The following SOX5 variants were observed in gnomAD, a reference collection of about 807,000 sequenced individuals.
SOX5 encodes transcription factor SOX-5.
A neutral mutation model predicts 92.0 loss-of-function variants in SOX5; 9 were observed. The observed-to-expected ratio is 0.10, with a 90% CI of 0.06 to 0.17. The LOEUF (loss-of-function observed/expected upper bound fraction) is 0.17. Among genes scored for constraint, SOX5 ranks in the 10% least tolerant of loss-of-function variants. SOX5 has a pLI of 1.00. For synonymous variants in SOX5, 344 were observed against 336.3 expected (o/e 1.02, Z -0.25); for missense variants, 642 against 944.5 (o/e 0.68, Z 4.20).
Position 24,094,003 on chromosome 12 carries a change from A to G in SOX5, c.-2+119340T>C, listed in dbSNP as rs969770561. 1.1e-4 allele frequency among the ~76,000 whole-genome samples: 16 copies of G among 152,168 alleles called. No homozygotes were observed. The East Asian group carries it at 2.7e-3, about 26-fold the overall frequency. On this transcript the variant is annotated intron_variant, in intron 4 of 4. Transcript: ENST00000446891. ...CTCTTGTTGCCCAGGCTGGAGCGCA[A>G]TGGTGTGATCTCGGCTCACTGCAAC...
chr12:23,912,724 A>G (rs2097365039), intron 1 of SOX5, among the ~76,000 whole-genome samples: 1 of 152,248 alleles, frequency 6.6e-6, no homozygotes, highest in African/African-American at 2.4e-5. Context: ...GCCAAGTGAA[A>G]GAAGCCATTC....
intron 4 of SOX5, among the ~76,000 whole-genome samples, chr12:24,195,503 A>T (rs1046755253): frequency 6.6e-6 from 1 of 152,228 alleles, no homozygotes; most frequent in Non-Finnish European, 1.5e-5. Context: ...TTTATCATAC[A>T]TATTTCCGTT....
At chr12:23,803,533 T>G (rs938254766) in intron 3 of SOX5, among the ~76,000 whole-genome samples, 1 of 152,230 alleles carries the variant, frequency 6.6e-6, no homozygotes, top group African/African-American at 2.4e-5. Context: ...AGCCTACTAA[T>G]GAATTGCCCT....
upstream of SOX5, among the ~76,000 whole-genome samples, chr12:23,954,979 GATAC>G (rs754254217): frequency 2.6e-5 from 4 of 151,912 alleles, no homozygotes; most frequent in Non-Finnish European, 4.4e-5. Flanking sequence ...CTATCTATAT[GATAC>G]ATAATAAAAG....
chr12:24,504,837 G>A (rs1316903133), intron 1 of SOX5, among the ~76,000 whole-genome samples: 1 of 152,116 alleles, frequency 6.6e-6, no homozygotes, highest in Non-Finnish European at 1.5e-5. Context: ...ATCTAAGCAA[G>A]GTGCACTTAC....
At chr12:23,605,441 T>C (rs2137556049) in intron 8 of SOX5, among the ~76,000 whole-genome samples, 1 of 148,858 alleles carries the variant, frequency 6.7e-6, no homozygotes, top group African/African-American at 2.4e-5. Context: ...AAATATATCA[T>C]ATATTTAAAT....
intron 4 of SOX5, among the ~76,000 whole-genome samples, chr12:23,969,037 T>C (rs569587762): frequency 2.6e-5 from 4 of 152,294 alleles, no homozygotes; most frequent in African/African-American, 9.6e-5. Context: ...ATCACCTCTC[T>C]ACCTTTGACC....
At chr12:24,420,525 G>A (rs1406116296) in intron 1 of SOX5, among the ~76,000 whole-genome samples, 2 of 152,014 alleles carry the variant, frequency 1.3e-5, no homozygotes, top group African/African-American at 4.8e-5. Context: ...GGAATTACTT[G>A]GTTACTTTCT....
chr12:24,095,184 G>GACAGAGAC lies in SOX5; in HGVS notation c.-2+118158_-2+118159insGTCTCTGT, dbSNP rs1593112969. Among the ~76,000 whole-genome samples, 14 of 151,386 alleles carry GACAGAGAC rather than the reference G, an allele frequency of 9.2e-5. No homozygotes were observed. In the East Asian group the frequency reaches 2.7e-3, roughly 29 times the overall value. On this transcript the variant is annotated intron_variant, in intron 4 of 4. Transcript: ENST00000446891. Reference sequence around the variant, plus strand: ...AGAGACAGAGAGACAGAGACAGAGAGAGAGAGAGAGATTCCTTTCCTAATT... The same window carrying GACAGAGAC: ...AGAGACAGAGAGACAGAGACAGAGAGACAGAGACAGAGAGAGAGATTCCTTTCCTAATT...
At chr12:24,010,570 C>T (rs1307666652) in intron 4 of SOX5, among the ~76,000 whole-genome samples, 2 of 152,270 alleles carry the variant, frequency 1.3e-5, no homozygotes, top group African/African-American at 4.8e-5. Flanking sequence ...AGATAATTTA[C>T]ACCTTATTAA....
At chr12:24,377,059 C>T (rs1258290778) in intron 1 of SOX5, among the ~76,000 whole-genome samples, 4 of 152,076 alleles carry the variant, frequency 2.6e-5, no homozygotes, top group Non-Finnish European at 4.4e-5. Context: ...ATGCATTTCT[C>T]CTCTTACAGA....
rs118041922 is a variant in SOX5 at position 24,417,537 on chromosome 12, C to T, written c.-250-48898G>A. 4.5e-3 allele frequency among the ~76,000 whole-genome samples: 683 copies of T among 152,172 alleles called. 11 individuals carry two copies. The East Asian group carries it at 0.051, about 11-fold the overall frequency. ...AAAAAAGATCATAATCTACAACAGA[C>T]AATGTTAAGAACAGCTCAAAGACAT... On this transcript the variant is annotated intron_variant, in intron 1 of 4. Transcript: ENST00000446891.
intron 4 of SOX5, among the ~76,000 whole-genome samples, chr12:24,191,677 C>G (rs1956540488): frequency 6.6e-6 from 1 of 152,236 alleles, no homozygotes; most frequent in Non-Finnish European, 1.5e-5. Context: ...CAATGACCAG[C>G]CTTCCATTGT....
At chr12:23,662,490 C>T (rs1224053968) in intron 7 of SOX5, among the ~76,000 whole-genome samples, 1 of 152,100 alleles carries the variant, frequency 6.6e-6, no homozygotes, top group Non-Finnish European at 1.5e-5. Flanking sequence ...TACTAATTTA[C>T]TCTTATATTG....
chr12:23,960,537 AT>A (rs1946807436), intron 4 of SOX5, among the ~76,000 whole-genome samples: 1 of 145,752 alleles, frequency 6.9e-6, no homozygotes, highest in Non-Finnish European at 1.5e-5. Context: ...ATACATATAT[AT>A]ATATATATGA....
intron 3 of SOX5, among the ~76,000 whole-genome samples, chr12:24,250,613 G>C (rs1249044513): frequency 6.6e-6 from 1 of 152,176 alleles, no homozygotes; most frequent in Non-Finnish European, 1.5e-5. Flanking sequence ...AAATCAAAAA[G>C]CTCAACAAAG....
intron 3 of SOX5, among the ~76,000 whole-genome samples, chr12:23,844,391 A>G (rs1357316144): frequency 1.3e-5 from 2 of 152,262 alleles, no homozygotes; most frequent in Non-Finnish European, 2.9e-5. Context: ...ATAAAAAATT[A>G]GCAGAATATA....
chr12:23,781,600 A>G (rs1203195839), intron 3 of SOX5, among the ~76,000 whole-genome samples: 1 of 152,072 alleles, frequency 6.6e-6, no homozygotes, highest in African/African-American at 2.4e-5. Flanking sequence ...ATAAATAACA[A>G]AATATATTAG....
chr12:24,242,983 A>C (rs989805715), intron 3 of SOX5, among the ~76,000 whole-genome samples: 2 of 151,532 alleles, frequency 1.3e-5, no homozygotes, highest in African/African-American at 4.9e-5. Flanking sequence ...AAGGGTATAT[A>C]ACAACAATTT....
Sources: allele counts gnomAD v4.1 joint callset (sites outside exome capture counted in the v4.1 genomes callset), GRCh38; gene constraint gnomAD v4.1.1; transcripts MANE v1.5; gene names NCBI Gene and HGNC (gene_info 2026-07-23, HGNC 2026-07-21).